Variants in LIN9 observed in about 807,000 individuals in gnomAD.
The protein encoded by LIN9 is lin-9 DREAM MuvB core complex component, also known as protein lin-9 homolog.
Under a neutral mutation model 78.0 loss-of-function variants are expected in LIN9, and 18 were observed. That is an observed-to-expected ratio of 0.23 (90% CI 0.16 to 0.34). The LOEUF (loss-of-function observed/expected upper bound fraction) is 0.34, where lower values mean the gene tolerates loss of function less well. Ranked by LOEUF, LIN9 falls within the 10% of genes least tolerant of loss-of-function variation. The probability of loss-of-function intolerance (pLI) is 1.00; values close to 1 mark genes in which losing one functional copy is unlikely to be tolerated. For synonymous variants in LIN9, 192 were observed against 215.2 expected (o/e 0.89, Z 0.94); for missense variants, 451 against 644.1 (o/e 0.70, Z 3.25).
At chr1:226,280,428 T>C (rs558953010) in intron 6 of LIN9, among the ~76,000 whole-genome samples, 4 of 152,218 alleles carry the variant, frequency 2.6e-5, no homozygotes, top group Non-Finnish European at 5.9e-5. Flanking sequence ...ATGGGAAGAA[T>C]ATGAGAAGAT....
intron 5 of LIN9, among the ~76,000 whole-genome samples, chr1:226,287,395 C>CTCTA: frequency 6.6e-6 from 1 of 152,302 alleles, no homozygotes; most frequent in South Asian, 2.1e-4. Flanking sequence ...TTTAAGGTAT[C>CTCTA]TCTACTCCAT....
At chr1:226,284,444 C>T (rs1661271934) in intron 6 of LIN9, among the ~76,000 whole-genome samples, 4 of 152,120 alleles carry the variant, frequency 2.6e-5, no homozygotes, top group Admixed American at 2.0e-4. Context: ...AAAAAAGAGG[C>T]CAGGTGTAGT....
chr1:226,309,469 C>T (rs561287409), upstream of LIN9: 371 of 1,101,994 alleles, frequency 3.4e-4, 6 homozygotes, highest in South Asian at 6.9e-3. Flanking sequence ...CCGGGCCCCG[C>T]TCCCGGCGCA....
In LIN9 at chr1:226,295,834, A is replaced by G; in HGVS notation, c.264+8T>C. The G allele has an allele frequency of 6.4e-7, 1 of 1,572,990 alleles. No homozygotes were observed. The highest frequency in any genetic ancestry group is 8.6e-7 in the Non-Finnish European group (1 of 1,156,170). On this transcript the variant is annotated splice_region_variant and intron_variant, in intron 4 of 14. Transcript: ENST00000681046. ...TTCCAATGAAACAAAATTTTAGCAC[A>G]CACATACCTGTGGAACCATTGCAAC... is the stretch of plus-strand genomic sequence containing the variant.
In LIN9 at chr1:226,232,219, AATTAT is replaced by A. The variant is rs1417726067; in HGVS notation, c.*277_*281del. The stretch of plus-strand genomic sequence containing the variant: ...AAATGGTCAATGTATTCTTCCACGA[AATTAT>A]ATTATGTTCAGATATTTCAGTTTAA... On this transcript the variant is annotated 3_prime_UTR_variant, in exon 15 of 15. Coordinates refer to ENST00000681046, the MANE Select transcript of LIN9 (RefSeq NM_001366245.2). The A allele has an allele frequency of 1.0e-5, 4 of 401,158 alleles. No homozygotes were observed. Among genetic ancestry groups the A allele is most frequent in the Non-Finnish European group, 1.3e-5 (3 of 227,618 alleles). 24.8% of individuals were successfully genotyped at this position (401,158 alleles called of 1,614,324 possible). A position where few individuals can be genotyped will look rare whatever the true frequency, so the allele number is the denominator to read the frequency against.
chr1:226,258,391 C>T (rs1466335229), intron 10 of LIN9, among the ~76,000 whole-genome samples: 3 of 149,754 alleles, frequency 2.0e-5, no homozygotes, highest in African/African-American at 4.9e-5. Flanking sequence ...ATCCTAGCTA[C>T]TTGGGAGGCT....
At chr1:226,294,571 CAAAAAAAAAAAACA>C (rs1192909499) in intron 4 of LIN9, among the ~76,000 whole-genome samples, 38 of 126,888 alleles carry the variant, frequency 3.0e-4, no homozygotes, top group African/African-American at 1.1e-3. Flanking sequence ...AACTCTGTCT[CAAAAAAAAAAAACA>C]AAAAAAAAAA....
chr1:226,245,483 TA>T (rs1335448752), intron 11 of LIN9, among the ~76,000 whole-genome samples: 41 of 151,982 alleles, frequency 2.7e-4, no homozygotes, highest in African/African-American at 8.9e-4. Context: ...AGTTCAGCGG[TA>T]CCATCCTAGC....
intron 6 of LIN9, among the ~76,000 whole-genome samples, chr1:226,280,778 A>G (rs1342400671): frequency 6.6e-6 from 1 of 152,168 alleles, no homozygotes; most frequent in African/African-American, 2.4e-5. Flanking sequence ...CATCTCAAAA[A>G]CAAACACATA....
At chr1:226,306,830 G>A (rs913594308) in intron 1 of LIN9, among the ~76,000 whole-genome samples, 1 of 152,066 alleles carries the variant, frequency 6.6e-6, no homozygotes, top group Admixed American at 6.6e-5. Flanking sequence ...TCTAGTTTCA[G>A]TAATAATACC....
intron 7 of LIN9, among the ~76,000 whole-genome samples, chr1:226,275,585 C>A (rs1381698753): frequency 6.7e-6 from 1 of 148,442 alleles, no homozygotes; most frequent in Non-Finnish European, 1.5e-5. Flanking sequence ...CCCAGCTACT[C>A]GGGAGGCTGA....
chr1:226,309,464 C>T (rs1252016010), upstream of LIN9: 19 of 1,100,316 alleles, frequency 1.7e-5, no homozygotes, highest in Non-Finnish European at 1.9e-5. Flanking sequence ...CCCGCCCGGG[C>T]CCCGCTCCCG....
At chr1:226,301,604 A>G (rs1662538027) in intron 1 of LIN9, among the ~76,000 whole-genome samples, 1 of 152,250 alleles carries the variant, frequency 6.6e-6, no homozygotes, top group Non-Finnish European at 1.5e-5. Flanking sequence ...GTGGAAAAAA[A>G]CAGGCAATGG....
chr1:226,245,140 T>C (rs964372467), intron 11 of LIN9, among the ~76,000 whole-genome samples: 3 of 152,066 alleles, frequency 2.0e-5, no homozygotes, highest in South Asian at 2.1e-4. Flanking sequence ...GAGAGATTAA[T>C]AGGAAAAAAG....
rs529181774 is a variant in LIN9 at position 226,265,447 on chromosome 1, C to A, written c.1038+86G>T. 2.9e-6 allele frequency: 2 copies of A among 697,934 alleles called. No homozygotes were observed. Among genetic ancestry groups the A allele is most frequent in the South Asian group, 1.9e-5 (1 of 53,550 alleles). 43.2% of individuals were successfully genotyped at this position (697,934 alleles called of 1,614,324 possible). A position where few individuals can be genotyped will look rare whatever the true frequency, so the allele number is the denominator to read the frequency against. On this transcript the variant is annotated intron_variant, in intron 10 of 14. Coordinates refer to ENST00000681046, the MANE Select transcript of LIN9 (RefSeq NM_001366245.2). The surrounding 1 kb of genome is among the most constrained non-coding windows in gnomAD (Gnocchi z 4.1). ...AAACCTACACGGTGATAAACCTACA[C>A]GGCCCTAGAAAAATTTTCAACTTTA...
intron 6 of LIN9, among the ~76,000 whole-genome samples, chr1:226,279,897 A>G (rs537706064): frequency 3.9e-5 from 6 of 152,146 alleles, no homozygotes; most frequent in Non-Finnish European, 7.3e-5. Flanking sequence ...CTTCCTACAA[A>G]GCAAAATAAT....
chr1:226,233,606 T>C, intron 12 of LIN9, 83 bp from the exon 13 acceptor site: 1 of 1,041,660 alleles, frequency 9.6e-7, no homozygotes, highest in Non-Finnish European at 1.3e-6. Context: ...TCTTTTCAGA[T>C]TTTAATTTTT....
rs780823326 is a variant in LIN9, at chr1:226,232,321, TATA to T, written c.*177_*179del. The T allele has an allele frequency of 5.3e-5, 22 of 417,128 alleles. No individual in the cohort carries two copies. The highest frequency in any genetic ancestry group is 8.5e-5 in the Non-Finnish European group (20 of 236,376). 25.8% of individuals were successfully genotyped at this position (417,128 alleles called of 1,614,324 possible). On this transcript the variant is annotated 3_prime_UTR_variant, in exon 15 of 15. Transcript: ENST00000681046. ...ATCTGAATAATAAAAGAAAAATAAA[TATA>T]ATGCTGGTCAGCAATGCTGGTTTAA... is the stretch of plus-strand genomic sequence containing the variant.
chr1:226,285,461 T>C (rs192089778), intron 6 of LIN9, among the ~76,000 whole-genome samples: 125 of 152,332 alleles, frequency 8.2e-4, no homozygotes, highest in African/African-American at 2.8e-3. Context: ...TCCATTTCTA[T>C]TTGTCCAAAT....
Sources: gnomAD v4.1 joint callset for allele counts (sites outside exome capture counted in the v4.1 genomes callset) on GRCh38, gnomAD v4.1.1 for gene constraint, Gnocchi (gnomAD v3.1) non-coding constraint, MANE v1.5 for transcripts, NCBI Gene and HGNC (gene_info 2026-07-23, HGNC 2026-07-21) for gene names.